Variants in PAPOLG observed in about 807,000 individuals in gnomAD.
The protein encoded by PAPOLG is PAP-gamma.
PAPOLG carries 40 observed loss-of-function variants against 99.0 expected under a neutral mutation model. The ratio of observed to expected loss-of-function variants is 0.40; its 90% CI spans 0.31 to 0.53. The LOEUF (loss-of-function observed/expected upper bound fraction) is 0.53. Among genes scored for constraint, PAPOLG ranks in the 20% least tolerant of loss-of-function variants. The pLI is 0.41. For missense variants in PAPOLG, 675 were observed against 884.1 expected (o/e 0.76, Z 3.00); for synonymous variants, 310 against 299.3 (o/e 1.04, Z -0.37).
At chr2:60,763,557 G>A (rs1670584225) in intron 3 of PAPOLG, among the ~76,000 whole-genome samples, 1 of 152,214 alleles carries the variant, frequency 6.6e-6, no homozygotes, top group African/African-American at 2.4e-5. Flanking sequence ...AGGCTGGAGT[G>A]CAGTGGCGAG....
chr2:60,794,562 A>G (rs560837530), intron 19 of PAPOLG, 148 bp from the exon 20 acceptor site: 9 of 689,446 alleles, frequency 1.3e-5, no homozygotes, highest in African/African-American at 3.6e-5. Context: ...GTTGAATTCA[A>G]TCTAATTTAA....
intron 15 of PAPOLG, among the ~76,000 whole-genome samples, chr2:60,790,609 G>A (rs1253579813): frequency 6.6e-6 from 1 of 152,216 alleles, no homozygotes; most frequent in Non-Finnish European, 1.5e-5. Flanking sequence ...CTAGGGCTGT[G>A]TGGATTCTGA....
intron 3 of PAPOLG, among the ~76,000 whole-genome samples, chr2:60,767,695 T>C (rs1176290559): frequency 6.6e-6 from 1 of 152,214 alleles, no homozygotes; most frequent in Non-Finnish European, 1.5e-5. Context: ...ACTCCGTTCT[T>C]ACAGAAAGGT....
At chr2:60,782,456 C>G (rs1671217856) in intron 11 of PAPOLG, among the ~76,000 whole-genome samples, 1 of 151,694 alleles carries the variant, frequency 6.6e-6, no homozygotes, top group Admixed American at 6.6e-5. Context: ...ACTCAGGAGC[C>G]TGGGGCAGGA....
chr2:60,786,240 A>G (rs1425758059), intron 13 of PAPOLG, among the ~76,000 whole-genome samples: 3 of 151,980 alleles, frequency 2.0e-5, no homozygotes. Flanking sequence ...TTATTTATTT[A>G]TTTATTTAGA....
intron 8 of PAPOLG, among the ~76,000 whole-genome samples, chr2:60,776,743 T>A (rs1671033697): frequency 6.6e-6 from 1 of 152,168 alleles, no homozygotes. Context: ...CAATTTAAAG[T>A]CACCAGCTGC....
In PAPOLG at chr2:60,768,462, T is replaced by C. The variant is rs764746212; in HGVS notation, c.247-8T>C. The C allele has an allele frequency of 6.2e-7, 1 of 1,612,778 alleles. No individual in the cohort carries two copies. The highest frequency in any genetic ancestry group is 1.1e-5 in the South Asian group (1 of 90,854). On this transcript the variant is annotated splice_polypyrimidine_tract_variant and splice_region_variant and intron_variant, in intron 3 of 21. Coordinates refer to ENST00000238714, the MANE Select transcript of PAPOLG (RefSeq NM_022894.4). ...TAATTGAATGTCTTCCGCTTAATTT[T>C]ATTTTAGAACCTCCCACCTTCTGTT...
chr2:60,760,389 G>A (rs1210504232), intron 2 of PAPOLG, 94 bp downstream of exon 2: 1 of 1,232,260 alleles, frequency 8.1e-7, no homozygotes, highest in African/African-American at 1.5e-5. Flanking sequence ...TCTAGATACA[G>A]GTGCAGAAAT....
Position 60,799,941 on chromosome 2 carries a change from G to A in PAPOLG, c.*2781G>A, listed in dbSNP as rs77103275. The A allele has an allele frequency of 6.6e-6, 1 of 152,180 alleles. No individual in the cohort carries two copies. The highest frequency in any genetic ancestry group is 6.6e-5 in the Admixed American group (1 of 15,260). The allele number at this position is 152,180 out of a possible 1,614,324, so 9.4% of individuals were successfully genotyped here. A position where few individuals can be genotyped will look rare whatever the true frequency, so the allele number is the denominator to read the frequency against. Reference sequence around the variant, plus strand: ...CACCCGGCCGTGTTTGTTTTCAAGTGTGAAAAAATACCTAGAAGTATATTT... The same window carrying A: ...CACCCGGCCGTGTTTGTTTTCAAGTATGAAAAAATACCTAGAAGTATATTT... On this transcript the variant is annotated 3_prime_UTR_variant, in exon 22 of 22. Transcript: ENST00000238714.
intron 6 of PAPOLG, among the ~76,000 whole-genome samples, chr2:60,771,046 G>A (rs1326738073): frequency 1.3e-5 from 2 of 151,918 alleles, no homozygotes; most frequent in Non-Finnish European, 2.9e-5. Context: ...GCTTTCTTAG[G>A]TCTACTGGGT....
chr2:60,767,489 G>T (rs540338600), intron 3 of PAPOLG, among the ~76,000 whole-genome samples: 1 of 152,098 alleles, frequency 6.6e-6, no homozygotes, highest in South Asian at 2.1e-4. Context: ...TTTTTGTAGA[G>T]ATGGTGTCTC....
Position 60,760,293 on chromosome 2 carries a change from C to A in PAPOLG, c.177C>A (p.His59Gln). The change falls in exon 2 of 22, where the codon CAC becomes CAA. Residue 59 changes from histidine (H) to glutamine (Q), a missense_variant and splice_region_variant. Transcript: ENST00000238714. ...TTGAAGATGAGGAAGAATTGAACCACAGGTATGTCATTGAAAACCATAAAA... is the reference window on the plus strand; with the variant it reads ...TTGAAGATGAGGAAGAATTGAACCAAAGGTATGTCATTGAAAACCATAAAA... ...GVFEDEEELN[H>Q]RLVVLGKLNN... 1.9e-5 allele frequency: 31 copies of A among 1,608,366 alleles called. No individual in the cohort carries two copies. The highest frequency in any genetic ancestry group is 2.5e-5 in the Non-Finnish European group (30 of 1,176,488).
rs1216013790 is a variant in PAPOLG at position 60,800,867 on chromosome 2, G to T, written c.*3707G>T. 1 of 152,272 alleles carries T rather than the reference G, an allele frequency of 6.6e-6. No homozygotes were observed. Among genetic ancestry groups the T allele is most frequent in the Non-Finnish European group, 1.5e-5 (1 of 68,020 alleles). 9.4% of individuals were successfully genotyped at this position (152,272 alleles called of 1,614,324 possible). A position where few individuals can be genotyped will look rare whatever the true frequency, so the allele number is the denominator to read the frequency against. On this transcript the variant is annotated 3_prime_UTR_variant, in exon 22 of 22. Transcript: ENST00000238714. ...ATTTTCTACTTTTGATTTTGCTGTG[G>T]TATATTTCTGAAAATGTGCTGTGGC...
Position 60,786,966 on chromosome 2 carries a change from A to G in PAPOLG, c.1186A>G (p.Lys396Glu). The G allele has an allele frequency of 1.2e-6, 2 of 1,610,576 alleles. No individual in the cohort carries two copies. Among genetic ancestry groups the G allele is most frequent in the Non-Finnish European group, 1.7e-6 (2 of 1,178,170 alleles). Reference sequence around the variant, plus strand: ...TTTTAGGGTTGGATTAGTAGAATCTAAAATCCGTGTACTTGTTGGAAACTT... The same window carrying G: ...TTTTAGGGTTGGATTAGTAGAATCTGAAATCCGTGTACTTGTTGGAAACTT... ...HLEWVGLVES[K>E]IRVLVGNLER... The change falls in exon 14 of 22, where the codon AAA (lysine) becomes GAA (glutamate). Residue 396 changes from lysine to glutamate, a missense_variant. Coordinates refer to ENST00000238714, the MANE Select transcript of PAPOLG (RefSeq NM_022894.4).
At chr2:60,795,481 G>A (rs1230044089) in intron 21 of PAPOLG, 1 of 193,464 alleles carries the variant, frequency 5.2e-6, no homozygotes, top group African/African-American at 2.4e-5. Context: ...CCCCTAAATT[G>A]TAATTTAAAT....
chr2:60,780,569 C>T (rs971986980), intron 9 of PAPOLG, 138 bp from the exon 10 acceptor site: 5 of 802,576 alleles, frequency 6.2e-6, no homozygotes, highest in African/African-American at 1.8e-5. Flanking sequence ...AGCCACCATG[C>T]TCGGCCTTTT....
intron 1 of PAPOLG, among the ~76,000 whole-genome samples, chr2:60,757,524 A>G (rs890697394): frequency 6.6e-6 from 1 of 152,214 alleles, no homozygotes; most frequent in Admixed American, 6.5e-5. Context: ...TAAACTTTAT[A>G]TAACTCGTAT....
At chr2:60,782,114 C>G (rs1051065930) in intron 11 of PAPOLG, 109 bp downstream of exon 11, 1 of 1,147,238 alleles carries the variant, frequency 8.7e-7, no homozygotes, top group Non-Finnish European at 1.2e-6. Context: ...CCTATTCTTT[C>G]TAAAAATTCT....
intron 1 of PAPOLG, among the ~76,000 whole-genome samples, chr2:60,756,936 G>A (rs1670363266): frequency 1.3e-5 from 2 of 151,852 alleles, no homozygotes; most frequent in South Asian, 2.1e-4. Flanking sequence ...CGCAGCCCAA[G>A]GGTTTCTCTT....
Sources: gnomAD v4.1 joint callset for allele counts (sites outside exome capture counted in the v4.1 genomes callset) on GRCh38, gnomAD v4.1.1 for gene constraint, MANE v1.5 for transcripts, NCBI Gene and HGNC (gene_info 2026-07-23, HGNC 2026-07-21) for gene names.